Variants in ITSN1 observed in about 807,000 individuals in gnomAD.
ITSN1 encodes intersectin 1.
In ITSN1, 58 loss-of-function variants were observed where a neutral mutation model predicts 239.8. That is an observed-to-expected ratio of 0.24 (90% CI 0.20 to 0.30). The LOEUF is 0.30. Ranked by LOEUF, ITSN1 falls within the 10% of genes least tolerant of loss-of-function variation. The pLI, the probability that ITSN1 is intolerant of heterozygous loss-of-function variation, is 1.00. For synonymous variants in ITSN1, 780 were observed against 770.8 expected (o/e 1.01, Z -0.20); for missense variants, 1,558 against 2,103.3 (o/e 0.74, Z 5.07).
In ITSN1 at chr21:33,718,827, C is replaced by T. The variant is rs763118856; in HGVS notation, c.-2C>T. On this transcript the variant is annotated 5_prime_UTR_variant, in exon 2 of 40. Transcript: ENST00000381318. ...GATTAGCAAGGTAAAAGTAACAGAA[C>T]CATGGCTCAGTTTCCAACACCTTTT... 3 of 1,613,356 alleles carry T rather than the reference C, an allele frequency of 1.9e-6. No homozygotes were observed. The highest frequency in any genetic ancestry group is 2.5e-6 in the Non-Finnish European group (3 of 1,179,546).
intron 20 of ITSN1, 143 bp downstream of exon 20, chr21:33,802,587 G>A (rs1392870363): frequency 1.8e-5 from 13 of 722,526 alleles, no homozygotes; most frequent in Non-Finnish European, 3.0e-5. Context: ...AGTAGGTTGT[G>A]CTTTTTAAAA....
chr21:33,787,064 A>C (rs1447362075), intron 16 of ITSN1, among the ~76,000 whole-genome samples: 1 of 152,164 alleles, frequency 6.6e-6, no homozygotes, highest in Admixed American at 6.5e-5. Context: ...TATAAAAGTT[A>C]ATTACTAGTT....
Position 33,888,084 on chromosome 21 carries a change from A to G in ITSN1, c.5018-68A>G, listed in dbSNP as rs564493720. The G allele has an allele frequency of 1.1e-5, 17 of 1,539,738 alleles. No individual in the cohort carries two copies. The South Asian group carries it at 1.7e-4, about 15-fold the overall frequency. On this transcript the variant is annotated intron_variant, in intron 39 of 39. Coordinates refer to ENST00000381318, the MANE Select transcript of ITSN1 (RefSeq NM_003024.3). ...AACAGTTCATCAGGGGGTCCCCAATATGCCAGACATGTGCCTCGAAGAGAG... is the reference window on the plus strand; with the variant it reads ...AACAGTTCATCAGGGGGTCCCCAATGTGCCAGACATGTGCCTCGAAGAGAG...
At chr21:33,813,794 TA>T in intron 21 of ITSN1, 118 bp from the exon 22 acceptor site, 1 of 783,226 alleles carries the variant, frequency 1.3e-6, no homozygotes, top group South Asian at 2.6e-5. Context: ...TTACTGTGGG[TA>T]AAAAGCTGGC....
intron 29 of ITSN1, among the ~76,000 whole-genome samples, chr21:33,842,733 A>T (rs147813298): frequency 1.6e-4 from 25 of 152,258 alleles, no homozygotes; most frequent in Non-Finnish European, 3.4e-4. Flanking sequence ...CTCAAAAGAG[A>T]TGTTCCTTAT....
intron 5 of ITSN1, among the ~76,000 whole-genome samples, chr21:33,748,669 A>G (rs1279731261): frequency 2.0e-5 from 3 of 150,896 alleles, no homozygotes; most frequent in Non-Finnish European, 2.9e-5. Flanking sequence ...GTAAGACCTC[A>G]TCTCTACCGC....
At chr21:33,740,401 C>T (rs548029739) in intron 5 of ITSN1, among the ~76,000 whole-genome samples, 1 of 152,240 alleles carries the variant, frequency 6.6e-6, no homozygotes, top group East Asian at 1.9e-4. Context: ...GAAACTGAGG[C>T]TGACAAAAGT....
At chr21:33,691,873 G>A (rs2091565076) in intron 1 of ITSN1, among the ~76,000 whole-genome samples, 1 of 152,162 alleles carries the variant, frequency 6.6e-6, no homozygotes, top group Non-Finnish European at 1.5e-5. Context: ...CCAAAGGCTC[G>A]CTTTCCAAAT....
chr21:33,877,516 G>A (rs1984142415), intron 34 of ITSN1, among the ~76,000 whole-genome samples: 1 of 152,178 alleles, frequency 6.6e-6, no homozygotes, highest in Non-Finnish European at 1.5e-5. Context: ...CATTCTCAGG[G>A]CACGTTTTCC....
chr21:33,737,986 C>T lies in ITSN1; in HGVS notation c.346+2782C>T, dbSNP rs143369308. ...TCGCTTGCGCTCAGGAGTTTGAGAC[C>T]AACCTGGGAAACATGGCAAAACCCC... On this transcript the variant is annotated intron_variant, in intron 5 of 39. Transcript: ENST00000381318. Among the ~76,000 whole-genome samples the T allele has an allele frequency of 1.4e-4, 21 of 152,150 alleles. No homozygotes were observed. In the East Asian group the frequency reaches 4.1e-3, roughly 30 times the overall value.
chr21:33,725,643 TG>T (rs1357454199), intron 4 of ITSN1, among the ~76,000 whole-genome samples: 2 of 152,104 alleles, frequency 1.3e-5, no homozygotes, highest in African/African-American at 2.4e-5. Flanking sequence ...TTTACCTGAG[TG>T]GCCCAAAGTC....
At chr21:33,812,880 T>G (rs2073006385) in intron 21 of ITSN1, among the ~76,000 whole-genome samples, 1 of 152,174 alleles carries the variant, frequency 6.6e-6, no homozygotes, top group Non-Finnish European at 1.5e-5. Context: ...GGATGCCACT[T>G]GTAATTGCTG....
intron 24 of ITSN1, among the ~76,000 whole-genome samples, chr21:33,821,294 CA>C (rs11341689): frequency 1 from 152,353 of 152,354 alleles, 76,176 homozygotes; most frequent in Middle Eastern, 1. Flanking sequence ...TTATTACAGC[CA>C]ATTTTGAAAT....
chr21:33,862,174 A>G (rs1356805159), intron 31 of ITSN1, among the ~76,000 whole-genome samples: 1 of 149,366 alleles, frequency 6.7e-6, no homozygotes, highest in Non-Finnish European at 1.5e-5. Flanking sequence ...CAAAAAAAAA[A>G]AAAAAAAAAA....
rs2074008559 is a variant in ITSN1, at chr21:33,827,000, T to C, written c.3229+137T>C. On this transcript the variant is annotated intron_variant, in intron 26 of 39. Coordinates refer to ENST00000381318, the MANE Select transcript of ITSN1 (RefSeq NM_003024.3). ...AGAGTGGTGAGAGTAAGTCCTTTCC[T>C]TGGAATCCATTAATAATTTTACTTG... 5 of 690,908 alleles carry C rather than the reference T, an allele frequency of 7.2e-6. No homozygotes were observed. In the South Asian group the frequency reaches 8.8e-5, roughly 12 times the overall value. The allele number at this position is 690,908 out of a possible 1,614,324, so 42.8% of individuals were successfully genotyped here.
chr21:33,845,394 T>C (rs1435127266), intron 29 of ITSN1, among the ~76,000 whole-genome samples: 3 of 152,136 alleles, frequency 2.0e-5, no homozygotes, highest in Non-Finnish European at 4.4e-5. Context: ...CTGGTCTCTC[T>C]GCACCCACTC....
At chr21:33,804,830 A>G (rs1487240951) in intron 20 of ITSN1, among the ~76,000 whole-genome samples, 1 of 152,190 alleles carries the variant, frequency 6.6e-6, no homozygotes, top group Non-Finnish European at 1.5e-5. Context: ...AAATACACTA[A>G]CACTAATAAT....
At chr21:33,848,194 G>A (rs934579069) in intron 29 of ITSN1, among the ~76,000 whole-genome samples, 3 of 152,206 alleles carry the variant, frequency 2.0e-5, no homozygotes, top group African/African-American at 4.8e-5. Flanking sequence ...ATATGACTTC[G>A]TTTGGAGATA....
rs1261302030 is a variant in ITSN1, at chr21:33,897,378, C to CCCT, written c.*9080_*9082dup. Reference sequence around the variant, plus strand: ...TTGCCTTAGCTCCATCAGCTTTGTACCCTCACACGTATAGGTGGTGAACTT... The same window carrying CCCT: ...TTGCCTTAGCTCCATCAGCTTTGTACCCTCCTCACACGTATAGGTGGTGAACTT... On this transcript the variant is annotated 3_prime_UTR_variant, in exon 40 of 40. Transcript: ENST00000381318. 2 of 152,234 alleles carry CCCT rather than the reference C, an allele frequency of 1.3e-5. No individual in the cohort carries two copies. Among genetic ancestry groups the CCCT allele is most frequent in the Non-Finnish European group, 2.9e-5 (2 of 68,038 alleles). 9.4% of individuals were successfully genotyped at this position (152,234 alleles called of 1,614,324 possible).
Sources: gnomAD v4.1 joint callset for allele counts (sites outside exome capture counted in the v4.1 genomes callset) on GRCh38, gnomAD v4.1.1 for gene constraint, MANE v1.5 for transcripts, NCBI Gene and HGNC (gene_info 2026-07-23, HGNC 2026-07-21) for gene names.